The following SH3GL2 variants were observed in gnomAD, a reference collection of about 807,000 sequenced individuals.
SH3GL2 encodes the protein SH3 domain containing GRB2 like 2, endophilin A1, also known as endophilin-A1.
A neutral mutation model predicts 46.0 loss-of-function variants in SH3GL2; 24 were observed. The observed-to-expected ratio is 0.52, with a 90% CI of 0.38 to 0.73. The LOEUF is 0.73. Ranked by LOEUF, SH3GL2 falls within the 30% of genes least tolerant of loss-of-function variation. SH3GL2 has a pLI of 0.00. For missense variants in SH3GL2, 413 were observed against 424.2 expected, an observed-to-expected ratio of 0.97 and a Z score of 0.23; for synonymous variants, 196 against 147.1, an observed-to-expected ratio of 1.33 and a Z score of -2.40.
chr9:17,735,440 T>C (rs1279985416), intron 1 of SH3GL2, among the ~76,000 whole-genome samples: 1 of 152,182 alleles, frequency 6.6e-6, no homozygotes, highest in Non-Finnish European at 1.5e-5. Flanking sequence ...TGTATTTATG[T>C]AAGAGTATGA....
intron 1 of SH3GL2, among the ~76,000 whole-genome samples, chr9:17,697,870 G>C (rs1235089877): frequency 6.6e-6 from 1 of 152,122 alleles, no homozygotes. Context: ...CTTCTCCTTT[G>C]CTCTATTGTC....
chr9:17,689,776 A>G (rs1160737650), intron 1 of SH3GL2, among the ~76,000 whole-genome samples: 1 of 152,060 alleles, frequency 6.6e-6, no homozygotes, highest in African/African-American at 2.4e-5. Flanking sequence ...GACCTTCCTG[A>G]TTATAATAGT....
chr9:17,691,501 T>C (rs1821077721), intron 1 of SH3GL2, among the ~76,000 whole-genome samples: 1 of 152,176 alleles, frequency 6.6e-6, no homozygotes, highest in Non-Finnish European at 1.5e-5. Context: ...CCTATCTAAT[T>C]GATTTTTGTC....
At chr9:17,763,154 A>C (rs990163988) in intron 3 of SH3GL2, among the ~76,000 whole-genome samples, 1 of 152,218 alleles carries the variant, frequency 6.6e-6, no homozygotes, top group Non-Finnish European at 1.5e-5. Flanking sequence ...AAACAGTTGA[A>C]GAATTTCTAG....
intron 1 of SH3GL2, among the ~76,000 whole-genome samples, chr9:17,661,429 G>C (rs910378833): frequency 1.3e-5 from 2 of 152,022 alleles, no homozygotes; most frequent in African/African-American, 4.8e-5. Flanking sequence ...GGTGTAATTT[G>C]GTTTGAATAA....
chr9:17,774,185 A>T (rs954657131), intron 3 of SH3GL2, among the ~76,000 whole-genome samples: 1 of 152,114 alleles, frequency 6.6e-6, no homozygotes, highest in African/African-American at 2.4e-5. Context: ...ATTAGTTCTG[A>T]CAGCTTTTTG....
At chr9:17,583,652 T>G (rs1291275274) in intron 1 of SH3GL2, among the ~76,000 whole-genome samples, 1 of 152,166 alleles carries the variant, frequency 6.6e-6, no homozygotes. Context: ...TGTTTTCTGA[T>G]TTTTTTAAAT....
At chr9:17,719,976 A>G (rs996927517) in intron 1 of SH3GL2, among the ~76,000 whole-genome samples, 3 of 143,140 alleles carry the variant, frequency 2.1e-5, no homozygotes, top group Admixed American at 6.6e-5. Flanking sequence ...TAATTAAAAA[A>G]AACCTCCTCT....
At chr9:17,794,033 T>C (rs1004463798) in intron 8 of SH3GL2, among the ~76,000 whole-genome samples, 8 of 152,238 alleles carry the variant, frequency 5.3e-5, no homozygotes, top group Admixed American at 1.3e-4. Flanking sequence ...ACTCGACACT[T>C]GCTGGGTTTT....
rs527598492 is a variant in SH3GL2 at position 17,675,731 on chromosome 9, G to A, written c.46-71335G>A. Among the ~76,000 whole-genome samples the A allele has an allele frequency of 2.6e-5, 4 of 152,346 alleles. No individual in the cohort carries two copies. In the South Asian group the frequency reaches 8.3e-4, roughly 32 times the overall value. The stretch of plus-strand genomic sequence containing the variant: ...AGAGGCCGAGGCGGGAGGATCACGA[G>A]GTCAGGAGATTGAGACCATCCTGGC... On this transcript the variant is annotated intron_variant, in intron 1 of 8. Transcript: ENST00000380607.
At chr9:17,695,770 A>G (rs1050298532) in intron 1 of SH3GL2, among the ~76,000 whole-genome samples, 3 of 152,062 alleles carry the variant, frequency 2.0e-5, no homozygotes, top group African/African-American at 7.3e-5. Context: ...AGAAAAATCT[A>G]TCCAGATTTT....
intron 1 of SH3GL2, among the ~76,000 whole-genome samples, chr9:17,656,299 A>G (rs936032014): frequency 6.6e-6 from 1 of 152,186 alleles, no homozygotes; most frequent in Non-Finnish European, 1.5e-5. Flanking sequence ...ATTCTTTAAT[A>G]TATAATATTC....
intron 7 of SH3GL2, among the ~76,000 whole-genome samples, chr9:17,792,973 G>A (rs769905825): frequency 1.3e-5 from 2 of 152,192 alleles, no homozygotes; most frequent in Non-Finnish European, 1.5e-5. Context: ...TTTTGATAGA[G>A]GCATGCAATG....
intron 1 of SH3GL2, among the ~76,000 whole-genome samples, chr9:17,718,982 A>G (rs916531435): frequency 1.3e-5 from 2 of 152,152 alleles, no homozygotes; most frequent in African/African-American, 2.4e-5. Flanking sequence ...TTTATCAGGA[A>G]TTTAAATCCT....
At chr9:17,755,382 G>T (rs981662415) in intron 2 of SH3GL2, among the ~76,000 whole-genome samples, 1 of 152,168 alleles carries the variant, frequency 6.6e-6, no homozygotes, top group Non-Finnish European at 1.5e-5. Context: ...TCTGGATTTG[G>T]TTTGCCAGCA....
intron 1 of SH3GL2, among the ~76,000 whole-genome samples, chr9:17,661,973 T>C (rs1820228058): frequency 1.3e-5 from 2 of 152,214 alleles, no homozygotes; most frequent in Admixed American, 6.5e-5. Flanking sequence ...CTCTGTTTTT[T>C]GTCTTTCATG....
intron 1 of SH3GL2, among the ~76,000 whole-genome samples, chr9:17,667,699 T>TA (rs1377495263): frequency 2.6e-5 from 4 of 152,232 alleles, no homozygotes; most frequent in African/African-American, 9.6e-5. Flanking sequence ...AGTCATATGA[T>TA]AAATTTATGT....
intron 1 of SH3GL2, among the ~76,000 whole-genome samples, chr9:17,667,174 C>G (rs1820364714): frequency 6.6e-6 from 1 of 151,996 alleles, no homozygotes; most frequent in Non-Finnish European, 1.5e-5. Context: ...GCAGCAAATA[C>G]TTTTTTCTAG....
At chr9:17,677,217 C>T (rs182531192) in intron 1 of SH3GL2, among the ~76,000 whole-genome samples, 3 of 152,106 alleles carry the variant, frequency 2.0e-5, no homozygotes, top group Admixed American at 6.5e-5. Context: ...TTGAAGCAAA[C>T]GTGGAACTCT....
Sources: allele counts gnomAD v4.1 joint callset (sites outside exome capture counted in the v4.1 genomes callset), GRCh38; gene constraint gnomAD v4.1.1; transcripts MANE v1.5; gene names NCBI Gene and HGNC (gene_info 2026-07-23, HGNC 2026-07-21).